Variants in RPS6KC1 observed in about 807,000 individuals in gnomAD.
RPS6KC1 encodes ribosomal protein S6 kinase C1, also known as inactive ribosomal protein S6 kinase delta-1.
Under a neutral mutation model 103.8 loss-of-function variants are expected in RPS6KC1, and 54 were observed. That is an observed-to-expected ratio of 0.52 (90% CI 0.42 to 0.65). RPS6KC1 has a LOEUF of 0.65. RPS6KC1 is among the 30% of genes least tolerant of loss of function. RPS6KC1 has a pLI of 0.00. For missense variants in RPS6KC1, 1,151 were observed against 1,253.8 expected, an observed-to-expected ratio of 0.92 and a Z score of 1.24; for synonymous variants, 439 against 438.7, an observed-to-expected ratio of 1.00 and a Z score of -0.01.
intron 1 of RPS6KC1, among the ~76,000 whole-genome samples, chr1:213,067,336 T>C (rs768909693): frequency 3.9e-5 from 6 of 152,226 alleles, no homozygotes; most frequent in Non-Finnish European, 5.9e-5. Flanking sequence ...CTGAGGGCCC[T>C]TTCCTGAAGA....
At chr1:213,062,117 C>G (rs1439218515) in intron 1 of RPS6KC1, among the ~76,000 whole-genome samples, 2 of 151,850 alleles carry the variant, frequency 1.3e-5, no homozygotes, top group Non-Finnish European at 2.9e-5. Flanking sequence ...TTTTCTAGTA[C>G]AGGTTAGCAT....
the RPS6KC1 span, among the ~76,000 whole-genome samples, chr1:213,382,533 C>CTTTTTTTTTTTTT: frequency 7.4e-6 from 1 of 134,372 alleles, no homozygotes. Context: ...TTCACTCCAT[C>CTTTTTTTTTTTTT]TTTTTTTTTT....
the RPS6KC1 span, among the ~76,000 whole-genome samples, chr1:213,536,825 A>G: frequency 1.3e-5 from 2 of 152,202 alleles, no homozygotes; most frequent in African/African-American, 4.8e-5. Context: ...AGGCTGAAGA[A>G]AAGACCCAGA....
intron 6 of RPS6KC1, among the ~76,000 whole-genome samples, chr1:213,162,877 A>G (rs1353450889): frequency 6.6e-6 from 1 of 152,262 alleles, no homozygotes; most frequent in African/African-American, 2.4e-5. Flanking sequence ...CTAGGGTCAC[A>G]TGAAATTGGT....
chr1:213,375,184 C>T, the RPS6KC1 span, among the ~76,000 whole-genome samples: 7 of 151,792 alleles, frequency 4.6e-5, no homozygotes, highest in African/African-American at 1.7e-4. Context: ...CACATACACA[C>T]ATGTACATAC....
chr1:213,816,640 C>T, the RPS6KC1 span, among the ~76,000 whole-genome samples: 1 of 152,062 alleles, frequency 6.6e-6, no homozygotes, highest in Non-Finnish European at 1.5e-5. Flanking sequence ...TGTTATTCCC[C>T]CCTCTGCTCA....
chr1:213,129,560 C>T lies in RPS6KC1; in HGVS notation c.506C>T (p.Thr169Ile), dbSNP rs535231866. ...FSSDSDLVSL[T>I]VDVDSLAELD... Reference sequence around the variant, plus strand: ...AGTGACAGTGATCTGGTATCTCTTACTGTTGATGTGGATTCTCTTGCTGAG... The same window carrying T: ...AGTGACAGTGATCTGGTATCTCTTATTGTTGATGTGGATTCTCTTGCTGAG... The change falls in exon 6 of 15, where the codon ACT becomes ATT. Residue 169 changes from threonine (T) to isoleucine (I), a missense_variant. Physicochemically the swap from Thr to Ile is moderately conservative, Grantham distance 89. Around this residue, in one of 3 missense-constraint regions of RPS6KC1, gnomAD observed 959 missense variants for 1,006.3 expected, o/e 0.95. Transcript: ENST00000366960. 1.9e-6 allele frequency: 3 copies of T among 1,612,870 alleles called. No homozygotes were observed. The highest frequency in any genetic ancestry group is 2.2e-5 in the East Asian group (1 of 44,870).
At chr1:213,853,085 C>T in the RPS6KC1 span, among the ~76,000 whole-genome samples, 16 of 152,262 alleles carry the variant, frequency 1.1e-4, 1 homozygote, top group East Asian at 3.1e-3. Flanking sequence ...AGGCAATTGT[C>T]AAGGGGGAGA....
chr1:213,777,298 A>G, the RPS6KC1 span, among the ~76,000 whole-genome samples: 1 of 152,164 alleles, frequency 6.6e-6, no homozygotes, highest in Non-Finnish European at 1.5e-5. Flanking sequence ...ATTTAAAGTG[A>G]AAGACGTGTG....
At chr1:213,360,542 C>T in the RPS6KC1 span, among the ~76,000 whole-genome samples, 1 of 152,202 alleles carries the variant, frequency 6.6e-6, no homozygotes, top group Non-Finnish European at 1.5e-5. Flanking sequence ...CGTCTGAAGC[C>T]TTCTTCTCTC....
the RPS6KC1 span, among the ~76,000 whole-genome samples, chr1:213,633,446 C>T: frequency 2.0e-5 from 3 of 152,128 alleles, no homozygotes; most frequent in African/African-American, 7.2e-5. Flanking sequence ...TCCAGCCAAA[C>T]TAAGCTTCAT....
the RPS6KC1 span, among the ~76,000 whole-genome samples, chr1:213,625,159 T>C: frequency 6.6e-6 from 1 of 151,956 alleles, no homozygotes; most frequent in Non-Finnish European, 1.5e-5. Context: ...TGGCCAAAAG[T>C]TATTTATTTT....
chr1:213,346,554 C>T, the RPS6KC1 span, among the ~76,000 whole-genome samples: 12 of 151,578 alleles, frequency 7.9e-5, no homozygotes, highest in Admixed American at 1.3e-4. Context: ...GTGGTTATCT[C>T]GGAGTAATGG....
the RPS6KC1 span, among the ~76,000 whole-genome samples, chr1:213,379,318 G>A: frequency 7.5e-4 from 114 of 152,130 alleles, 2 homozygotes; most frequent in Non-Finnish European, 2.4e-4. Context: ...CACATTGGAG[G>A]GTAGGCCCCT....
the RPS6KC1 span, among the ~76,000 whole-genome samples, chr1:213,533,314 T>C: frequency 6.6e-6 from 1 of 152,120 alleles, no homozygotes; most frequent in Non-Finnish European, 1.5e-5. Context: ...AGAAGACTTT[T>C]GAGGAACTGA....
rs1486330220 is a variant in RPS6KC1 at position 213,274,657 on chromosome 1, T to C, written c.*2023T>C. On this transcript the variant is annotated 3_prime_UTR_variant, in exon 15 of 15. Coordinates refer to ENST00000366960, the MANE Select transcript of RPS6KC1 (RefSeq NM_012424.6). ...GTTTTTATTTTATGGTGTGTACATA[T>C]TTTAAGCTGTACTTCTGTGAATGGT... The C allele has an allele frequency of 2.0e-5, 3 of 152,176 alleles. No homozygotes were observed. The highest frequency in any genetic ancestry group is 4.4e-5 in the Non-Finnish European group (3 of 68,028). 9.4% of individuals were successfully genotyped at this position (152,176 alleles called of 1,614,324 possible). A position where few individuals can be genotyped will look rare whatever the true frequency, so the allele number is the denominator to read the frequency against.
At chr1:213,834,681 GC>G in the RPS6KC1 span, among the ~76,000 whole-genome samples, 1 of 151,066 alleles carries the variant, frequency 6.6e-6, no homozygotes, top group East Asian at 2.0e-4. Context: ...CCTCCATAGA[GC>G]CCTTCTCAAA....
intron 8 of RPS6KC1, among the ~76,000 whole-genome samples, chr1:213,218,376 C>T (rs1191238194): frequency 6.6e-6 from 1 of 151,976 alleles, no homozygotes; most frequent in East Asian, 1.9e-4. Context: ...AAAGAGGATA[C>T]AAACAAATGG....
chr1:213,706,983 G>C, the RPS6KC1 span, among the ~76,000 whole-genome samples: 6 of 152,188 alleles, frequency 3.9e-5, no homozygotes, highest in Admixed American at 1.3e-4. Flanking sequence ...AGTCATTGCT[G>C]TTGTGAATAG....
Sources: gnomAD v4.1 joint callset for allele counts (sites outside exome capture counted in the v4.1 genomes callset) on GRCh38, gnomAD v4.1.1 for gene constraint, gnomAD v4.1.1 regional missense constraint, MANE v1.5 for transcripts, NCBI Gene and HGNC (gene_info 2026-07-23, HGNC 2026-07-21) for gene names.